CHD6: variants seen among roughly 807,000 people sequenced by gnomAD.
The protein encoded by CHD6 is ATP-dependent chromatin remodeler CHD6.
Under a neutral mutation model 276.9 loss-of-function variants are expected in CHD6, and 50 were observed. The observed-to-expected ratio is 0.18, with a 90% CI of 0.14 to 0.23. The LOEUF is 0.23. CHD6 is among the 10% of genes least tolerant of loss of function. The pLI, the probability that CHD6 is intolerant of heterozygous loss-of-function variation, is 1.00. For missense variants in CHD6, 2,564 were observed against 3,365.8 expected, an observed-to-expected ratio of 0.76 and a Z score of 5.89; for synonymous variants, 1,173 against 1,229.3, an observed-to-expected ratio of 0.95 and a Z score of 0.96.
At chr20:41,553,759 C>T (rs577627149) in intron 1 of CHD6, among the ~76,000 whole-genome samples, 14 of 152,362 alleles carry the variant, frequency 9.2e-5, no homozygotes, top group African/African-American at 3.1e-4. Context: ...TGTCTCCGTG[C>T]TGACTTTTCT....
chr20:41,584,230 T>C (rs1181477894), intron 1 of CHD6, among the ~76,000 whole-genome samples: 2 of 152,126 alleles, frequency 1.3e-5, no homozygotes, highest in African/African-American at 4.8e-5. Flanking sequence ...TTGAAATAAA[T>C]ATTGAAAGCA....
chr20:41,563,818 A>C (rs2045327415), intron 1 of CHD6, among the ~76,000 whole-genome samples: 1 of 152,214 alleles, frequency 6.6e-6, no homozygotes, highest in Non-Finnish European at 1.5e-5. Context: ...CACAGGACTG[A>C]ATAAACCAAT....
Position 41,420,980 on chromosome 20 carries a change from C to A in CHD6, c.5655G>T (p.Gly1885=). ...EENLAMAVGM[G]ERPEVLHLTE... is the part of the protein sequence containing the mutation. Reference sequence around the variant, plus strand: ...TGAGATGCAATACCTCTGGCCTTTCCCCCATGCCTACTGCCATGGCTAAGT... The same window carrying A: ...TGAGATGCAATACCTCTGGCCTTTCACCCATGCCTACTGCCATGGCTAAGT... The change falls in exon 31 of 37, where the codon GGG becomes GGT. Residue 1885 remains glycine, a synonymous_variant. Transcript: ENST00000373233. 1 of 1,614,180 alleles carries A rather than the reference C, an allele frequency of 6.2e-7. No homozygotes were observed. Among genetic ancestry groups the A allele is most frequent in the Non-Finnish European group, 8.5e-7 (1 of 1,180,024 alleles).
At chr20:41,509,389 GA>G (rs1444998262) in intron 5 of CHD6, among the ~76,000 whole-genome samples, 2 of 152,126 alleles carry the variant, frequency 1.3e-5, no homozygotes, top group Non-Finnish European at 2.9e-5. Flanking sequence ...TGGTTTAGAA[GA>G]AGGAAACAAA....
At chr20:41,417,802 AC>A (rs1449732950) in intron 31 of CHD6, among the ~76,000 whole-genome samples, 2 of 152,246 alleles carry the variant, frequency 1.3e-5, no homozygotes, top group Non-Finnish European at 2.9e-5. Flanking sequence ...GAAGCTTACA[AC>A]AAAGGTAAGA....
intron 3 of CHD6, among the ~76,000 whole-genome samples, chr20:41,526,658 G>C (rs2044545526): frequency 2.0e-5 from 3 of 152,192 alleles, no homozygotes; most frequent in Non-Finnish European, 4.4e-5. Context: ...ATCTGCTCTG[G>C]GCTGACAAAC....
rs2047329153 is a variant in CHD6, at chr20:41,425,370, T to C, written c.4154A>G (p.Lys1385Arg). ...GGCGGAGGAAACTGGCCAGGGCGAT[T>C]TGTCTGGGTCGGAGCCATCCTGGGC... is the stretch of plus-strand genomic sequence containing the variant. ...RAAQDGSDPD[K>R]SPWPVSSALT... Residue 1385 changes from lysine to arginine, a missense_variant, in exon 29 of 37, where the codon AAA (lysine) becomes AGA (arginine). Lys to Arg is a conservative substitution (Grantham distance 26, BLOSUM62 2). Around this residue, in one of 7 missense-constraint regions of CHD6, gnomAD observed 515 missense variants for 739.5 expected, o/e 0.70. Transcript: ENST00000373233. 1.2e-6 allele frequency: 2 copies of C among 1,613,960 alleles called. No individual in the cohort carries two copies. Among genetic ancestry groups the C allele is most frequent in the African/African-American group, 2.7e-5 (2 of 74,920 alleles).
At chr20:41,509,969 A>C (rs867539115) in intron 5 of CHD6, among the ~76,000 whole-genome samples, 10 of 152,104 alleles carry the variant, frequency 6.6e-5, no homozygotes, top group African/African-American at 2.4e-4. Context: ...TGAGGTTGTG[A>C]TCTGGGGCTG....
chr20:41,412,393 A>C (rs2046867197), intron 35 of CHD6, 130 bp from the exon 36 acceptor site: 2 of 1,022,634 alleles, frequency 2.0e-6, no homozygotes, highest in Admixed American at 2.2e-5. Flanking sequence ...GGCCAGGTTA[A>C]ACTAAAGGAA....
At position 41,452,127 on chromosome 20, in the gene CHD6, T is replaced by A; in HGVS notation, c.3324-102A>T. 1.1e-6 allele frequency: 1 copy of A among 871,608 alleles called. No individual in the cohort carries two copies. The highest frequency in any genetic ancestry group is 1.9e-6 in the Non-Finnish European group (1 of 536,514). The allele number at this position is 871,608 out of a possible 1,614,324, so 54.0% of individuals were successfully genotyped here. On this transcript the variant is annotated intron_variant, in intron 21 of 36. Transcript: ENST00000373233. This position sits in a 1 kb window ranked among gnomAD's most constrained non-coding sequence, Gnocchi z 4.2. The stretch of plus-strand genomic sequence containing the variant: ...AACAAGAGCCATACATGCTTTTTGT[T>A]CTCTGTAGGTCTGTTAATCATCCCA...
In CHD6 at chr20:41,571,667, TAA is replaced by T. The variant is rs368547321; in HGVS notation, c.-23-20309_-23-20308del. Among the ~76,000 whole-genome samples, 124 of 152,140 alleles carry T rather than the reference TAA, an allele frequency of 8.2e-4. 1 individual carries two copies. The highest frequency in any genetic ancestry group is 2.9e-3 in the African/African-American group (119 of 41,490). The stretch of plus-strand genomic sequence containing the variant: ...GAATTAGATATCTATTTTTAGACAT[TAA>T]GTTAGACAACCTTCATATGGTTTTT... On this transcript the variant is annotated intron_variant, in intron 1 of 36. Transcript: ENST00000373233.
rs768457431 is a variant in CHD6 at position 41,420,651 on chromosome 20, A to G, written c.5984T>C (p.Leu1995Pro). The change falls in exon 31 of 37, where the codon CTT (leucine) becomes CCT (proline). Residue 1995 changes from leucine (L) to proline (P), a missense_variant. Transcript: ENST00000373233. Reference sequence around the variant, plus strand: ...ACTTTCTTTCCAAGGTTCTTTTAAAAGCTCATGCTTCACTTTAAACGGCTG... The same window carrying G: ...ACTTTCTTTCCAAGGTTCTTTTAAAGGCTCATGCTTCACTTTAAACGGCTG... ...PSQPFKVKHELLKEPWKESAE... is the reference protein window; with the variant it reads ...PSQPFKVKHEPLKEPWKESAE... The G allele has an allele frequency of 1.9e-6, 3 of 1,614,200 alleles. No individual in the cohort carries two copies. Among genetic ancestry groups the G allele is most frequent in the Non-Finnish European group, 2.5e-6 (3 of 1,180,042 alleles).
intron 32 of CHD6, 22 bp downstream of exon 32, chr20:41,417,176 G>A: frequency 6.3e-7 from 1 of 1,599,506 alleles, no homozygotes; most frequent in East Asian, 2.2e-5. Flanking sequence ...GGGTAGGGTG[G>A]GAAACGCAAG....
At chr20:41,427,628 T>C (rs1329929412) in intron 27 of CHD6, among the ~76,000 whole-genome samples, 1 of 152,110 alleles carries the variant, frequency 6.6e-6, no homozygotes, top group Non-Finnish European at 1.5e-5. Context: ...AGATGAAAAT[T>C]TGTCTTGGAG....
At chr20:41,591,153 T>C (rs553665501) in intron 1 of CHD6, among the ~76,000 whole-genome samples, 186 of 139,214 alleles carry the variant, frequency 1.3e-3, no homozygotes, top group South Asian at 5.6e-3. Flanking sequence ...TAGGTGGGAA[T>C]TGAACAATGA....
chr20:41,580,950 A>G (rs2045531260), intron 1 of CHD6, among the ~76,000 whole-genome samples: 2 of 152,204 alleles, frequency 1.3e-5, no homozygotes, highest in South Asian at 4.1e-4. Context: ...GAAATTAATC[A>G]GCTCTGCTCC....
chr20:41,537,533 G>A (rs1032995430), intron 2 of CHD6, among the ~76,000 whole-genome samples: 3 of 152,120 alleles, frequency 2.0e-5, no homozygotes, highest in Non-Finnish European at 4.4e-5. Context: ...CCCCATGGAC[G>A]CTGAGGAAGA....
At chr20:41,562,075 G>T (rs1601144262) in intron 1 of CHD6, among the ~76,000 whole-genome samples, 1 of 150,514 alleles carries the variant, frequency 6.6e-6, no homozygotes, top group Non-Finnish European at 1.5e-5. Flanking sequence ...GACCTTCTTG[G>T]CTGTACCTCT....
chr20:41,497,350 C>G, intron 8 of CHD6, 34 bp downstream of exon 8: 1 of 1,296,630 alleles, frequency 7.7e-7, no homozygotes, highest in Non-Finnish European at 1.1e-6. Context: ...GCAAGAAAAG[C>G]AGCAGTCAAA....
Sources: gnomAD v4.1 joint callset for allele counts (sites outside exome capture counted in the v4.1 genomes callset) on GRCh38, gnomAD v4.1.1 for gene constraint, gnomAD v4.1.1 regional missense constraint, Gnocchi (gnomAD v3.1) non-coding constraint, MANE v1.5 for transcripts, NCBI Gene and HGNC (gene_info 2026-07-23, HGNC 2026-07-21) for gene names.